MAP7: variants seen among roughly 807,000 people sequenced by gnomAD.
MAP7 encodes ensconsin.
MAP7 carries 52 observed loss-of-function variants against 94.8 expected under a neutral mutation model. The observed-to-expected ratio is 0.55, with a 90% confidence interval of 0.44 to 0.69. MAP7 has a LOEUF of 0.69. MAP7 is among the 30% of genes least tolerant of loss of function. The pLI, the probability that MAP7 is intolerant of heterozygous loss-of-function variation, is 0.00. For missense variants in MAP7, 940 were observed against 964.6 expected (o/e 0.97, Z 0.34); for synonymous variants, 350 against 357.0 (o/e 0.98, Z 0.22).
intron 8 of MAP7, among the ~76,000 whole-genome samples, chr6:136,368,762 A>G (rs1460324815): frequency 2.6e-5 from 4 of 151,714 alleles, no homozygotes; most frequent in Admixed American, 2.0e-4. Context: ...GGCAACACAA[A>G]TAAATGGAAG....
chr6:136,469,372 TTCTTTCTCTC>T (rs981847060), intron 1 of MAP7, among the ~76,000 whole-genome samples: 6 of 151,964 alleles, frequency 3.9e-5, no homozygotes, highest in Non-Finnish European at 5.9e-5. Flanking sequence ...TCTCTTTCCT[TTCTTTCTCTC>T]TCTTTCTCTC....
rs143045558 is a variant in MAP7 at position 136,504,740 on chromosome 6, G to A, written c.67+45602C>T. On this transcript the variant is annotated intron_variant, in intron 1 of 17. Coordinates refer to ENST00000354570, the MANE Select transcript of MAP7 (RefSeq NM_003980.6). ...CTGTTGCCCAAGCTGGAGTGCAGTG[G>A]CACAATCTCGGCCCAATGCAACCTC... 2.0e-5 allele frequency among the ~76,000 whole-genome samples: 3 copies of A among 152,248 alleles called. No individual in the cohort carries two copies. The East Asian group carries it at 5.8e-4, about 29-fold the overall frequency.
intron 3 of MAP7, among the ~76,000 whole-genome samples, chr6:136,410,411 A>T (rs1341202463): frequency 6.6e-6 from 1 of 152,194 alleles, no homozygotes; most frequent in Non-Finnish European, 1.5e-5. Context: ...TTGCTTGTCA[A>T]AGCAACCTTA....
intron 1 of MAP7, among the ~76,000 whole-genome samples, chr6:136,505,271 GTGTGTGTATATATATATATATA>G (rs1562470630): frequency 6.3e-5 from 6 of 95,454 alleles, no homozygotes; most frequent in East Asian, 9.3e-4. Flanking sequence ...GTGTGTGTGT[GTGTGTGTATATATATATATATA>G]TATATATATA....
At chr6:136,535,285 C>A (rs1401322734) in intron 1 of MAP7, among the ~76,000 whole-genome samples, 1 of 152,152 alleles carries the variant, frequency 6.6e-6, no homozygotes, top group Non-Finnish European at 1.5e-5. Flanking sequence ...TGCCTGCTCC[C>A]GCTTCACCTT....
chr6:136,527,362 A>T (rs971363240), intron 1 of MAP7, among the ~76,000 whole-genome samples: 2 of 152,212 alleles, frequency 1.3e-5, no homozygotes, highest in African/African-American at 4.8e-5. Context: ...TTTGTGTTTT[A>T]ATAAAAATCA....
At chr6:136,455,521 C>G (rs1284190320) in intron 1 of MAP7, among the ~76,000 whole-genome samples, 2 of 152,094 alleles carry the variant, frequency 1.3e-5, no homozygotes, top group Non-Finnish European at 2.9e-5. Context: ...CACCTCAGAG[C>G]AGCAGAAGTG....
intron 2 of MAP7, among the ~76,000 whole-genome samples, chr6:136,417,621 A>G (rs1258721956): frequency 6.6e-6 from 1 of 152,224 alleles, no homozygotes; most frequent in Non-Finnish European, 1.5e-5. Context: ...ATGAAGAGTT[A>G]TTATGCCTCT....
At chr6:136,419,119 C>A (rs1002978659) in intron 2 of MAP7, among the ~76,000 whole-genome samples, 1 of 152,182 alleles carries the variant, frequency 6.6e-6, no homozygotes, top group Non-Finnish European at 1.5e-5. Flanking sequence ...ACACTGTGTG[C>A]AATCTCTCGT....
chr6:136,389,612 T>G (rs1453798395), intron 3 of MAP7, 95 bp from the exon 4 acceptor site: 2 of 1,091,912 alleles, frequency 1.8e-6, no homozygotes, highest in South Asian at 1.4e-5. Flanking sequence ...TGGTCTACAA[T>G]GAACAAATAT....
chr6:136,525,966 C>T, intron 1 of MAP7: 3 of 1,492,618 alleles, frequency 2.0e-6, no homozygotes, highest in Non-Finnish European at 2.6e-6. Flanking sequence ...TCCAGGCATA[C>T]CGCTGCTACT....
chr6:136,485,711 C>T (rs956234630), intron 1 of MAP7, among the ~76,000 whole-genome samples: 1 of 151,336 alleles, frequency 6.6e-6, no homozygotes, highest in Non-Finnish European at 1.5e-5. Context: ...TACAGGCGCC[C>T]GCCACTACGC....
chr6:136,384,717 C>T lies in MAP7; in HGVS notation c.527-936G>A, dbSNP rs140027713. On this transcript the variant is annotated intron_variant, in intron 5 of 17. Coordinates refer to ENST00000354570, the MANE Select transcript of MAP7 (RefSeq NM_003980.6). The stretch of plus-strand genomic sequence containing the variant: ...CCCAGGCTGGTCTCAAATTCCTGGC[C>T]TCAAGTGATACTCCACCTTGACTTC... 8.6e-4 allele frequency among the ~76,000 whole-genome samples: 131 copies of T among 152,172 alleles called. 1 individual carries two copies. The highest frequency in any genetic ancestry group is 3.0e-3 in the African/African-American group (126 of 41,514).
At chr6:136,464,633 T>A (rs1011301955) in intron 1 of MAP7, among the ~76,000 whole-genome samples, 3 of 152,214 alleles carry the variant, frequency 2.0e-5, no homozygotes, top group African/African-American at 7.2e-5. Flanking sequence ...CAAAAACAAT[T>A]AGCATGTTCC....
At chr6:136,545,762 A>T (rs59284481) in intron 1 of MAP7, among the ~76,000 whole-genome samples, 1 of 132,702 alleles carries the variant, frequency 7.5e-6, no homozygotes, top group Admixed American at 7.7e-5. Flanking sequence ...AAACAAATTT[A>T]ATTTTTTTTT....
chr6:136,497,538 A>G lies in MAP7; in HGVS notation c.67+52804T>C, dbSNP rs186670322. On this transcript the variant is annotated intron_variant, in intron 1 of 17. Coordinates refer to ENST00000354570, the MANE Select transcript of MAP7 (RefSeq NM_003980.6). ...TGTCATCTTACTTAAAAAAAAAAAA[A>G]ATGCAGATCCCAGCACTTTGGGAGG... Among the ~76,000 whole-genome samples, 116 of 151,548 alleles carry G rather than the reference A, an allele frequency of 7.7e-4. 1 individual carries two copies. Among genetic ancestry groups the G allele is most frequent in the Middle Eastern group, 3.4e-3 (1 of 294 alleles).
intron 1 of MAP7, among the ~76,000 whole-genome samples, chr6:136,465,235 G>A (rs954254828): frequency 6.6e-6 from 1 of 152,154 alleles, no homozygotes; most frequent in Non-Finnish European, 1.5e-5. Flanking sequence ...TACAAAAATT[G>A]AGTATTTTAA....
At chr6:136,388,647 C>A in intron 4 of MAP7, 137 bp from the exon 5 acceptor site, 1 of 674,510 alleles carries the variant, frequency 1.5e-6, no homozygotes, top group South Asian at 1.9e-5. Context: ...AACTTCTATA[C>A]CATAAGGTGA....
chr6:136,526,273 G>A (rs562736902), intron 1 of MAP7: 16 of 1,058,286 alleles, frequency 1.5e-5, no homozygotes, highest in Middle Eastern at 4.3e-4. Context: ...ACGTACACGC[G>A]CGCGCACACA....
Sources: allele counts gnomAD v4.1 joint callset (sites outside exome capture counted in the v4.1 genomes callset), GRCh38; gene constraint gnomAD v4.1.1; transcripts MANE v1.5; gene names NCBI Gene and HGNC (gene_info 2026-07-23, HGNC 2026-07-21).